Variants in RBFOX1 observed in about 807,000 individuals in gnomAD.
The protein encoded by RBFOX1 is RNA binding fox-1 homolog 1, also known as RNA binding protein fox-1 homolog 1.
RBFOX1 carries 8 observed loss-of-function variants against 57.7 expected under a neutral mutation model. That is an observed-to-expected ratio of 0.14 (90% CI 0.08 to 0.25). RBFOX1 has a LOEUF of 0.25. RBFOX1 is among the 10% of genes least tolerant of loss of function. The pLI, the probability that RBFOX1 is intolerant of heterozygous loss-of-function variation, is 1.00. For missense variants in RBFOX1, 611 were observed against 548.5 expected, an observed-to-expected ratio of 1.11 and a Z score of -1.14; for synonymous variants, 326 against 222.4, an observed-to-expected ratio of 1.47 and a Z score of -4.15.
chr16:7,075,391 T>A (rs1329691918), intron 4 of RBFOX1, among the ~76,000 whole-genome samples: 1 of 152,216 alleles, frequency 6.6e-6, no homozygotes, highest in African/African-American at 2.4e-5. Context: ...TGTGTTGCCT[T>A]GTAACAGTGT....
At chr16:5,822,648 C>G (rs1172006315) in intron 3 of RBFOX1, among the ~76,000 whole-genome samples, 3 of 152,152 alleles carry the variant, frequency 2.0e-5, no homozygotes, top group Non-Finnish European at 2.9e-5. Flanking sequence ...AATGCTGCTA[C>G]AAGAATTACG....
chr16:7,367,984 G>T (rs192580202), intron 4 of RBFOX1, among the ~76,000 whole-genome samples: 119 of 152,230 alleles, frequency 7.8e-4, no homozygotes, highest in African/African-American at 2.6e-3. Flanking sequence ...TCTAAAGAGA[G>T]AGCCAGGCAT....
At chr16:7,001,031 T>G (rs2092743076) in intron 3 of RBFOX1, among the ~76,000 whole-genome samples, 2 of 152,214 alleles carry the variant, frequency 1.3e-5, no homozygotes, top group South Asian at 2.1e-4. Flanking sequence ...ATTTATTAGA[T>G]AGAATACTTG....
At chr16:5,913,613 T>G (rs2058648951) in intron 4 of RBFOX1, among the ~76,000 whole-genome samples, 1 of 152,200 alleles carries the variant, frequency 6.6e-6, no homozygotes, top group South Asian at 2.1e-4. Context: ...CCTGAAGAAC[T>G]GTGAGCCAAG....
chr16:7,417,814 A>G (rs960484088), intron 4 of RBFOX1, among the ~76,000 whole-genome samples: 14 of 152,176 alleles, frequency 9.2e-5, no homozygotes, highest in Admixed American at 4.6e-4. Context: ...TGGTTGCAGA[A>G]TTAGTCCTCA....
chr16:6,944,661 G>C (rs1265844990), intron 3 of RBFOX1, among the ~76,000 whole-genome samples: 5 of 152,094 alleles, frequency 3.3e-5, no homozygotes. Context: ...TCACAGCCTA[G>C]AAAGTGCAGG....
At chr16:6,379,415 C>G (rs992252160) in intron 2 of RBFOX1, among the ~76,000 whole-genome samples, 1 of 152,148 alleles carries the variant, frequency 6.6e-6, no homozygotes, top group African/African-American at 2.4e-5. Flanking sequence ...CCCCCGCCCC[C>G]CTACTTTCAC....
chr16:6,171,297 G>A (rs1467134877), intron 1 of RBFOX1, among the ~76,000 whole-genome samples: 1 of 152,122 alleles, frequency 6.6e-6, no homozygotes, highest in African/African-American at 2.4e-5. Context: ...TCAAGGTTTT[G>A]TAGTCCAGCC....
At chr16:6,939,595 T>C (rs1195184786) in intron 3 of RBFOX1, among the ~76,000 whole-genome samples, 4 of 151,448 alleles carry the variant, frequency 2.6e-5, no homozygotes, top group African/African-American at 9.7e-5. Flanking sequence ...CACTGCAACC[T>C]CTCCCTCCCA....
At chr16:7,596,913 T>C (rs1374092581) in intron 8 of RBFOX1, among the ~76,000 whole-genome samples, 1 of 152,216 alleles carries the variant, frequency 6.6e-6, no homozygotes, top group East Asian at 1.9e-4. Context: ...CCTCCTAAAG[T>C]GTTGCACACG....
chr16:5,411,826 T>C (rs1010084055), intron 1 of RBFOX1, among the ~76,000 whole-genome samples: 2 of 152,014 alleles, frequency 1.3e-5, no homozygotes, highest in South Asian at 2.1e-4. Context: ...GAGGCTGCAA[T>C]GAACTCTGAT....
At chr16:6,664,382 C>T (rs1003063287) in intron 3 of RBFOX1, among the ~76,000 whole-genome samples, 3 of 152,194 alleles carry the variant, frequency 2.0e-5, no homozygotes, top group Non-Finnish European at 2.9e-5. Context: ...ACACCTCACC[C>T]CTGGTCCTAC....
chr16:6,196,248 C>T (rs1444749983), intron 1 of RBFOX1, among the ~76,000 whole-genome samples: 1 of 152,156 alleles, frequency 6.6e-6, no homozygotes, highest in Non-Finnish European at 1.5e-5. Flanking sequence ...TTCAGGATTC[C>T]TAAGCTCGTG....
intron 3 of RBFOX1, among the ~76,000 whole-genome samples, chr16:6,780,762 C>A (rs79824321): frequency 0.025 from 3,846 of 151,378 alleles, 183 homozygotes; most frequent in African/African-American, 0.087. Flanking sequence ...GAGCATTTTT[C>A]CGCATACCTT....
chr16:6,895,367 C>A (rs951028750), intron 3 of RBFOX1, among the ~76,000 whole-genome samples: 2 of 147,046 alleles, frequency 1.4e-5, no homozygotes, highest in African/African-American at 5.0e-5. Flanking sequence ...GATAGGAGAA[C>A]TAACTGGTTT....
chr16:7,640,673 A>T (rs1302860750), intron 11 of RBFOX1, among the ~76,000 whole-genome samples: 1 of 152,216 alleles, frequency 6.6e-6, no homozygotes, highest in African/African-American at 2.4e-5. Context: ...GGAAACCCCA[A>T]GTCCTGTGAT....
At chr16:6,872,564 A>C (rs1185587106) in intron 3 of RBFOX1, among the ~76,000 whole-genome samples, 1 of 152,204 alleles carries the variant, frequency 6.6e-6, no homozygotes, top group African/African-American at 2.4e-5. Flanking sequence ...CATTCTTTAA[A>C]AAAAGATAAG....
At chr16:5,298,902 G>C (rs2063740513) in intron 1 of RBFOX1, among the ~76,000 whole-genome samples, 1 of 100,380 alleles carries the variant, frequency 1.0e-5, no homozygotes, top group Non-Finnish European at 2.0e-5. Flanking sequence ...ACGGGACTGA[G>C]TTTGAGATAG....
intron 3 of RBFOX1, among the ~76,000 whole-genome samples, chr16:5,699,417 T>C (rs1178849470): frequency 6.6e-6 from 1 of 152,128 alleles, no homozygotes; most frequent in Non-Finnish European, 1.5e-5. Flanking sequence ...GTTTAGTTTA[T>C]TTCTTCTATG....
Sources: gnomAD v4.1 joint callset for allele counts (sites outside exome capture counted in the v4.1 genomes callset) on GRCh38, gnomAD v4.1.1 for gene constraint, MANE v1.5 for transcripts, NCBI Gene and HGNC (gene_info 2026-07-23, HGNC 2026-07-21) for gene names.